The following EFCAB6 variants were observed in gnomAD, a reference collection of about 807,000 sequenced individuals.
The protein encoded by EFCAB6 is EF-hand calcium-binding domain-containing protein 6.
In EFCAB6, 156 loss-of-function variants were observed where a neutral mutation model predicts 169.8. The observed-to-expected ratio is 0.92, with a 90% CI of 0.81 to 1.05. EFCAB6 has a LOEUF of 1.05. Ranked by LOEUF, EFCAB6 falls within the 50% of genes least tolerant of loss-of-function variation. EFCAB6 has a pLI of 0.00. For missense variants in EFCAB6, 1,800 were observed against 1,829.1 expected (o/e 0.98, Z 0.29); for synonymous variants, 698 against 676.4 (o/e 1.03, Z -0.50).
At chr22:43,540,623 T>C in intron 27 of EFCAB6, 1 of 1,277,624 alleles carries the variant, frequency 7.8e-7, no homozygotes. Context: ...AGTGAGCACT[T>C]TAAGGCCATT....
rs1338923180 is a variant in EFCAB6, at chr22:43,530,915, A to C, written c.4283T>G (p.Ile1428Ser). Residue 1428 changes from isoleucine to serine, a missense_variant, in exon 31 of 32, where the codon ATT becomes AGT. Ile to Ser is a moderately radical substitution (Grantham distance 142). Coordinates refer to ENST00000262726, the MANE Select transcript of EFCAB6 (RefSeq NM_022785.4). ...CCAGCAGTGCACAATTTTGGGCTGA[A>C]TACGCAGCAGAGCAGAGTAAAAAGA... ...TPSFYSALLR[I>S]QPKIVHCWRP... is the part of the protein sequence containing the mutation. 5 of 1,614,252 alleles carry C rather than the reference A, an allele frequency of 3.1e-6. No homozygotes were observed. Among genetic ancestry groups the C allele is most frequent in the Non-Finnish European group, 4.2e-6 (5 of 1,180,050 alleles).
rs527768833 is a variant in EFCAB6, at chr22:43,744,557, G to A, written c.508-8564C>T. Among the ~76,000 whole-genome samples, 33 of 152,240 alleles carry A rather than the reference G, an allele frequency of 2.2e-4. No individual in the cohort carries two copies. The highest frequency in any genetic ancestry group is 2.2e-3 in the Admixed American group (33 of 15,302). On this transcript the variant is annotated intron_variant, in intron 6 of 31. Transcript: ENST00000262726. The surrounding 1 kb of genome is among the most constrained non-coding windows in gnomAD (Gnocchi z 4.3). ...AAATCTTGAGCTGTCCTGTTCCCAA[G>A]GGACTGCTCATCAGGGAAGGGGACC...
At chr22:43,676,289 C>T (rs1293319237) in intron 13 of EFCAB6, among the ~76,000 whole-genome samples, 3 of 151,430 alleles carry the variant, frequency 2.0e-5, no homozygotes, top group Non-Finnish European at 2.9e-5. Flanking sequence ...TGGTGGTAGG[C>T]GCCTATAGTC....
intron 12 of EFCAB6, among the ~76,000 whole-genome samples, chr22:43,679,350 C>T (rs760295474): frequency 3.9e-5 from 6 of 152,168 alleles, no homozygotes; most frequent in Admixed American, 1.3e-4. Context: ...TATTCCCAAT[C>T]GGGCATTACA....
intron 8 of EFCAB6, 100 bp from the exon 9 acceptor site, chr22:43,717,072 G>A: frequency 1.5e-6 from 2 of 1,349,166 alleles, no homozygotes; most frequent in Non-Finnish European, 1.9e-6. Flanking sequence ...AAAAAGGAAG[G>A]CTTGAATAAA....
At chr22:43,688,931 A>G (rs1362573174) in intron 10 of EFCAB6, among the ~76,000 whole-genome samples, 3 of 152,382 alleles carry the variant, frequency 2.0e-5, no homozygotes, top group Admixed American at 6.5e-5. Flanking sequence ...TTAGACAAAC[A>G]AATTCTTTAT....
intron 27 of EFCAB6, among the ~76,000 whole-genome samples, chr22:43,545,428 A>G (rs962127828): frequency 1.3e-5 from 2 of 152,220 alleles, no homozygotes; most frequent in African/African-American, 4.8e-5. Context: ...ATATTTTTAA[A>G]AACATATATT....
Position 43,746,429 on chromosome 22 carries a change from T to C in EFCAB6, c.507+9337A>G, listed in dbSNP as rs147478904. 5.2e-3 allele frequency among the ~76,000 whole-genome samples: 789 copies of C among 152,332 alleles called. 11 individuals are homozygous for C. The highest frequency in any genetic ancestry group is 0.018 in the African/African-American group (747 of 41,580). The stretch of plus-strand genomic sequence containing the variant: ...GTTCGGGGTCTCCTTGCAGCCAAGA[T>C]GAAGAGGGAAACTCGTGCTTATATA... On this transcript the variant is annotated intron_variant, in intron 6 of 31. Transcript: ENST00000262726.
At chr22:43,782,068 GT>G (rs2061839592) in intron 3 of EFCAB6, 111 bp downstream of exon 3, 1 of 1,104,800 alleles carries the variant, frequency 9.1e-7, no homozygotes, top group African/African-American at 1.6e-5. Flanking sequence ...AATTCATAGA[GT>G]TATTGTGAGG....
intron 18 of EFCAB6, among the ~76,000 whole-genome samples, chr22:43,633,888 C>T (rs2055174427): frequency 6.6e-6 from 1 of 152,232 alleles, no homozygotes; most frequent in Non-Finnish European, 1.5e-5. Flanking sequence ...CACCGCCTGA[C>T]CCCTCTGCCA....
At chr22:43,728,108 C>T (rs2059804533) in intron 8 of EFCAB6, among the ~76,000 whole-genome samples, 2 of 152,126 alleles carry the variant, frequency 1.3e-5, no homozygotes, top group African/African-American at 2.4e-5. Context: ...GTTCCCCTCC[C>T]TATGTCCATG....
At chr22:43,783,070 C>T (rs578016554) in intron 2 of EFCAB6, among the ~76,000 whole-genome samples, 18 of 152,070 alleles carry the variant, frequency 1.2e-4, no homozygotes, top group Non-Finnish European at 1.9e-4. Context: ...CCTCCTTACC[C>T]GGAACTTATC....
Position 43,628,455 on chromosome 22 carries a change from G to A in EFCAB6, c.2233-1776C>T, listed in dbSNP as rs1003978955. 4.6e-5 allele frequency among the ~76,000 whole-genome samples: 7 copies of A among 152,142 alleles called. No homozygotes were observed. Among genetic ancestry groups the A allele is most frequent in the Non-Finnish European group, 8.8e-5 (6 of 68,022 alleles). ...CCCAGCTGCCATCGTCGGCTCCGTG[G>A]CCTCTGCTCTGTGCAATCGCTCCCG... On this transcript the variant is annotated intron_variant, in intron 19 of 31. Transcript: ENST00000262726. This position sits in a 1 kb window ranked among gnomAD's most constrained non-coding sequence, Gnocchi z 4.8.
At chr22:43,621,925 T>A (rs1240564519) in intron 20 of EFCAB6, among the ~76,000 whole-genome samples, 1 of 152,208 alleles carries the variant, frequency 6.6e-6, no homozygotes, top group East Asian at 1.9e-4. Flanking sequence ...ATTCCATGAA[T>A]TTGACAACCT....
intron 27 of EFCAB6, among the ~76,000 whole-genome samples, chr22:43,541,210 C>T (rs2047698998): frequency 6.6e-6 from 1 of 152,164 alleles, no homozygotes; most frequent in Non-Finnish European, 1.5e-5. Context: ...CTGGGCTCTG[C>T]CAGAAACCGA....
rs577814927 is a variant in EFCAB6, at chr22:43,580,729, T to C, written c.3033-70A>G. The C allele has an allele frequency of 7.4e-5, 113 of 1,528,512 alleles. 1 individual carries two copies. In the South Asian group the frequency reaches 1.3e-3, roughly 18 times the overall value. 94.7% of individuals were successfully genotyped at this position (1,528,512 alleles called of 1,614,324 possible). A position where few individuals can be genotyped will look rare whatever the true frequency, so the allele number is the denominator to read the frequency against. ...ACCCTACTGCTTATTCATTCAACAG[T>C]TGCTGAGCACATTGGGCAATGTGGG... is the stretch of plus-strand genomic sequence containing the variant. On this transcript the variant is annotated intron_variant, in intron 24 of 31. Coordinates refer to ENST00000262726, the MANE Select transcript of EFCAB6 (RefSeq NM_022785.4).
intron 8 of EFCAB6, among the ~76,000 whole-genome samples, chr22:43,727,076 A>G (rs892066558): frequency 6.6e-6 from 1 of 152,228 alleles, no homozygotes; most frequent in Non-Finnish European, 1.5e-5. Flanking sequence ...TTGAAAAAAA[A>G]GTTTTAAAAC....
intron 6 of EFCAB6, among the ~76,000 whole-genome samples, chr22:43,738,089 G>T (rs1208401626): frequency 7.5e-6 from 1 of 132,636 alleles, no homozygotes; most frequent in African/African-American, 2.9e-5. Flanking sequence ...CATACATGCA[G>T]ATACATGCAC....
In EFCAB6 at chr22:43,626,613, G is replaced by A. The variant is rs143713526; in HGVS notation, c.2299C>T (p.His767Tyr). Residue 767 changes from histidine (H) to tyrosine (Y), a missense_variant, in exon 20 of 32, where the codon CAC becomes TAC. Coordinates refer to ENST00000262726, the MANE Select transcript of EFCAB6 (RefSeq NM_022785.4). ...RDGIINMHDL[H>Y]RLLLHLLLNL... ...AGCAGTAGATGCAGGAGCAGTCTGT[G>A]AAGGTCATGCATGTTGATTATGCCA... The A allele has an allele frequency of 6.1e-3, 9,889 of 1,614,204 alleles. 39 individuals are homozygous for A. The highest frequency in any genetic ancestry group is 8.4e-3 in the Middle Eastern group (51 of 6,062).
Sources: allele counts gnomAD v4.1 joint callset (sites outside exome capture counted in the v4.1 genomes callset), GRCh38; gene constraint gnomAD v4.1.1; non-coding constraint Gnocchi (gnomAD v3.1); transcripts MANE v1.5; gene names NCBI Gene and HGNC (gene_info 2026-07-23, HGNC 2026-07-21).